Variants in CTNNA1 observed in about 807,000 individuals in gnomAD.
The protein encoded by CTNNA1 is catenin alpha-1.
Under a neutral mutation model 98.4 loss-of-function variants are expected in CTNNA1, and 37 were observed. That is an observed-to-expected ratio of 0.38 (90% CI 0.29 to 0.49). CTNNA1 has a LOEUF of 0.49. Ranked by LOEUF, CTNNA1 falls within the 20% of genes least tolerant of loss-of-function variation. The pLI, the probability that CTNNA1 is intolerant of heterozygous loss-of-function variation, is 0.95. For synonymous variants in CTNNA1, 404 were observed against 413.2 expected (o/e 0.98, Z 0.27); for missense variants, 761 against 1,147.2 (o/e 0.66, Z 4.86).
chr5:138,777,026 T>C (rs1006940678), intron 1 of CTNNA1, among the ~76,000 whole-genome samples: 1 of 148,226 alleles, frequency 6.7e-6, no homozygotes, highest in South Asian at 2.2e-4. Flanking sequence ...CCGGATGGGG[T>C]GGCTGCCGGG....
intron 5 of CTNNA1, among the ~76,000 whole-genome samples, chr5:138,820,391 G>A (rs908142019): frequency 3.3e-5 from 5 of 152,058 alleles, no homozygotes; most frequent in African/African-American, 7.2e-5. Flanking sequence ...TCACAGTCTC[G>A]TCCCCTTCTT....
At chr5:138,901,236 C>T (rs540246184) in intron 9 of CTNNA1, among the ~76,000 whole-genome samples, 5 of 152,030 alleles carry the variant, frequency 3.3e-5, no homozygotes, top group Non-Finnish European at 7.4e-5. Flanking sequence ...CAGCTCACTT[C>T]AACCTCCACC....
intron 7 of CTNNA1, among the ~76,000 whole-genome samples, chr5:138,847,142 A>G (rs1581249828): frequency 6.6e-6 from 1 of 152,258 alleles, no homozygotes; most frequent in East Asian, 1.9e-4. Flanking sequence ...AGAAGTTTTA[A>G]GTGAAGTGGT....
chr5:138,782,524 T>G, intron 2 of CTNNA1: 1 of 256,528 alleles, frequency 3.9e-6, no homozygotes, highest in African/African-American at 2.3e-5. Flanking sequence ...GTCTATTGTT[T>G]GTATGTGAGA....
At chr5:138,860,833 T>C (rs1764204302) in intron 7 of CTNNA1, among the ~76,000 whole-genome samples, 1 of 152,124 alleles carries the variant, frequency 6.6e-6, no homozygotes, top group Admixed American at 6.5e-5. Flanking sequence ...GAGAACAGTT[T>C]TGCACACACT....
At chr5:138,866,302 A>ATTTT (rs1462887368) in intron 7 of CTNNA1, among the ~76,000 whole-genome samples, 2 of 148,362 alleles carry the variant, frequency 1.3e-5, no homozygotes, top group Non-Finnish European at 3.0e-5. Flanking sequence ...TTATTTATTT[A>ATTTT]TTTATTTATT....
chr5:138,907,274 C>T (rs1279907421), intron 10 of CTNNA1, among the ~76,000 whole-genome samples: 3 of 152,218 alleles, frequency 2.0e-5, no homozygotes, highest in Non-Finnish European at 2.9e-5. Flanking sequence ...CCTGCTTTGG[C>T]CTCCAAAAGT....
At chr5:138,901,061 A>G (rs1358138877) in intron 9 of CTNNA1, among the ~76,000 whole-genome samples, 4 of 152,130 alleles carry the variant, frequency 2.6e-5, no homozygotes, top group African/African-American at 9.7e-5. Flanking sequence ...TCACTGTTCT[A>G]CGAAGTCTTG....
chr5:138,900,083 T>C (rs1581583359), intron 9 of CTNNA1, among the ~76,000 whole-genome samples: 1 of 152,234 alleles, frequency 6.6e-6, no homozygotes, highest in South Asian at 2.1e-4. Flanking sequence ...TGTTAAAAAC[T>C]TATTGAGTGC....
intron 3 of CTNNA1, among the ~76,000 whole-genome samples, chr5:138,792,170 T>A (rs1244933283): frequency 1.3e-5 from 2 of 152,200 alleles, no homozygotes; most frequent in Non-Finnish European, 2.9e-5. Flanking sequence ...GAATAATTTG[T>A]ATATAGGGAG....
intron 1 of CTNNA1, among the ~76,000 whole-genome samples, chr5:138,776,913 C>A (rs1320240453): frequency 1.5e-4 from 20 of 132,870 alleles, no homozygotes; most frequent in Non-Finnish European, 3.0e-4. Context: ...ACCCCCCCAC[C>A]TCCCTCCCGG....
Position 138,932,298 on chromosome 5 carries a change from G to A in CTNNA1, c.2299-280G>A, listed in dbSNP as rs550017982. 5.0e-6 allele frequency: 6 copies of A among 1,211,136 alleles called. No individual in the cohort carries two copies. The South Asian group carries it at 1.4e-4, about 27-fold the overall frequency. The allele number at this position is 1,211,136 out of a possible 1,614,324, so 75.0% of individuals were successfully genotyped here. A position where few individuals can be genotyped will look rare whatever the true frequency, so the allele number is the denominator to read the frequency against. On this transcript the variant is annotated intron_variant, in intron 16 of 17. Transcript: ENST00000302763. ...CCAGGGTGGTTTCCCCGCCGTCATA[G>A]GAGGGAAGTCAGTGGGAGGCTCAGA...
chr5:138,860,094 T>A (rs1383274340), intron 7 of CTNNA1, among the ~76,000 whole-genome samples: 1 of 152,192 alleles, frequency 6.6e-6, no homozygotes, highest in Non-Finnish European at 1.5e-5. Flanking sequence ...CTTAAAAATA[T>A]TATTTTCCAA....
rs568025575 is a variant in CTNNA1, at chr5:138,835,173, T to C, written c.1062+7455T>C. On this transcript the variant is annotated intron_variant, in intron 7 of 17. Transcript: ENST00000302763. ...CAGGAACTGGCTATTTTCGCTTCTT[T>C]TGTGGATCTTCAGTTGCTTCAGGCC... is the stretch of plus-strand genomic sequence containing the variant. Among the ~76,000 whole-genome samples, 8 of 152,274 alleles carry C rather than the reference T, an allele frequency of 5.3e-5. 1 individual carries two copies. Among genetic ancestry groups the C allele is most frequent in the African/African-American group, 1.4e-4 (6 of 41,552 alleles).
At chr5:138,889,929 C>T (rs906177718) in intron 9 of CTNNA1, among the ~76,000 whole-genome samples, 2 of 152,136 alleles carry the variant, frequency 1.3e-5, no homozygotes, top group Non-Finnish European at 2.9e-5. Context: ...GAATTTTATT[C>T]TTCAGTGACA....
intron 9 of CTNNA1, among the ~76,000 whole-genome samples, chr5:138,899,984 A>G (rs1381788875): frequency 2.6e-5 from 4 of 152,200 alleles, no homozygotes; most frequent in African/African-American, 9.6e-5. Flanking sequence ...AAGATATCTT[A>G]TTTCTCCTAA....
At chr5:138,765,947 CAAAAAAAAAAAA>C (rs1026779147) in intron 1 of CTNNA1, among the ~76,000 whole-genome samples, 2 of 48,486 alleles carry the variant, frequency 4.1e-5, no homozygotes, top group African/African-American at 1.3e-4. Flanking sequence ...GACTCTGTCT[CAAAAAAAAAAAA>C]AAAAAAAAAA....
Position 138,797,030 on chromosome 5 carries a change from T to C in CTNNA1, c.302-13008T>C, listed in dbSNP as rs188629735. Among the ~76,000 whole-genome samples, 359 of 152,326 alleles carry C rather than the reference T, an allele frequency of 2.4e-3. 1 individual carries two copies. Among genetic ancestry groups the C allele is most frequent in the African/African-American group, 8.2e-3 (343 of 41,582 alleles). ...TATTTTACCACTTGGCTTACTCTTA[T>C]TTTGGATAAAACCCCTCTAGTTAGC... On this transcript the variant is annotated intron_variant, in intron 3 of 17. Coordinates refer to ENST00000302763, the MANE Select transcript of CTNNA1 (RefSeq NM_001903.5).
At chr5:138,876,603 TACCCTTTGTG>T (rs1464957536) in intron 7 of CTNNA1, among the ~76,000 whole-genome samples, 4 of 152,242 alleles carry the variant, frequency 2.6e-5, no homozygotes, top group Non-Finnish European at 4.4e-5. Flanking sequence ...CATTGGCACT[TACCCTTTGTG>T]GGTCTTGTCT....
Sources: allele counts gnomAD v4.1 joint callset (sites outside exome capture counted in the v4.1 genomes callset), GRCh38; gene constraint gnomAD v4.1.1; transcripts MANE v1.5; gene names NCBI Gene and HGNC (gene_info 2026-07-23, HGNC 2026-07-21).